METTL15: variants seen among roughly 807,000 people sequenced by gnomAD.
The protein encoded by METTL15 is methyltransferase 15, mitochondrial 12S rRNA N4-cytidine.
METTL15 carries 34 observed loss-of-function variants against 38.3 expected under a neutral mutation model. The observed-to-expected ratio is 0.89, with a 90% CI of 0.68 to 1.18. The LOEUF (loss-of-function observed/expected upper bound fraction) is 1.18. Ranked by LOEUF, METTL15 falls within the 50% of genes most tolerant of loss-of-function variation. The pLI, the probability that METTL15 is intolerant of heterozygous loss-of-function variation, is 0.00. For synonymous variants in METTL15, 162 were observed against 170.9 expected (o/e 0.95, Z 0.41); for missense variants, 438 against 498.4 (o/e 0.88, Z 1.15).
At chr11:28,340,639 C>T (rs1010545171) in intron 3 of METTL15, among the ~76,000 whole-genome samples, 3 of 152,100 alleles carry the variant, frequency 2.0e-5, no homozygotes, top group Admixed American at 2.0e-4. Context: ...CTCACGCCAG[C>T]TAGAATGGTG....
intron 3 of METTL15, among the ~76,000 whole-genome samples, chr11:28,185,618 C>A (rs904373074): frequency 6.6e-6 from 1 of 151,226 alleles, no homozygotes; most frequent in Non-Finnish European, 1.5e-5. Context: ...GTTCTTTAAT[C>A]CACTTAGAAG....
intron 4 of METTL15, 83 bp from the exon 5 acceptor site, chr11:28,290,123 G>A: frequency 4.4e-6 from 5 of 1,125,712 alleles, no homozygotes; most frequent in Non-Finnish European, 6.2e-6. Flanking sequence ...ATAATAGAAT[G>A]TGCTCCCTTC....
intron 1 of METTL15, among the ~76,000 whole-genome samples, chr11:28,109,201 T>C (rs1008673405): frequency 2.0e-5 from 3 of 152,214 alleles, no homozygotes; most frequent in African/African-American, 7.2e-5. Context: ...ATCGGGAGTA[T>C]TGTGTACTGT....
At chr11:28,161,157 G>A (rs1358122233) in intron 3 of METTL15, among the ~76,000 whole-genome samples, 1 of 129,836 alleles carries the variant, frequency 7.7e-6, no homozygotes, top group East Asian at 2.2e-4. Context: ...GTGTCTTGCT[G>A]TCTTGCCCAG....
chr11:28,355,695 T>C (rs1476083443), intron 4 of METTL15, among the ~76,000 whole-genome samples: 3 of 152,184 alleles, frequency 2.0e-5, no homozygotes, highest in Non-Finnish European at 4.4e-5. Flanking sequence ...ATAAGTTATA[T>C]GCAGTATTAC....
chr11:28,527,997 T>C (rs1223347600), downstream of METTL15, among the ~76,000 whole-genome samples: 3 of 152,232 alleles, frequency 2.0e-5, no homozygotes, highest in African/African-American at 7.2e-5. Flanking sequence ...AACTGTGGCA[T>C]GCATGGGAAG....
At chr11:28,311,452 A>G (rs1429728030) in intron 6 of METTL15, among the ~76,000 whole-genome samples, 1 of 152,162 alleles carries the variant, frequency 6.6e-6, no homozygotes, top group Admixed American at 6.5e-5. Context: ...TCATATGCCT[A>G]ACTAGCATTT....
chr11:28,136,916 G>GTCATTAA (rs1849533313), intron 3 of METTL15, among the ~76,000 whole-genome samples: 3 of 150,946 alleles, frequency 2.0e-5, no homozygotes, highest in Admixed American at 6.6e-5. Context: ...AAAAAAAAAA[G>GTCATTAA]GTAAAACCTT....
rs966093904 is a variant in METTL15 at position 28,192,978 on chromosome 11, A to G, written c.271-18084A>G. The stretch of plus-strand genomic sequence containing the variant: ...ATTGCATTATTCTTTTATTATCTGT[A>G]CAATCTTAGTACTTTATCTTTTTCT... On this transcript the variant is annotated intron_variant, in intron 3 of 6. Coordinates refer to ENST00000407364, the MANE Select transcript of METTL15 (RefSeq NM_001113528.2). Among the ~76,000 whole-genome samples the G allele has an allele frequency of 2.6e-5, 4 of 152,174 alleles. No individual in the cohort carries two copies. The East Asian group carries it at 5.8e-4, about 22-fold the overall frequency.
chr11:28,464,252 T>A (rs10835343), intron 6 of METTL15, among the ~76,000 whole-genome samples: 64,633 of 152,000 alleles, frequency 0.43, 15,076 homozygotes, highest in Admixed American at 0.54. Context: ...TAGCTAAAAA[T>A]ATATATATCA....
chr11:28,291,227 A>G (rs1034148802), intron 5 of METTL15, among the ~76,000 whole-genome samples: 1 of 151,858 alleles, frequency 6.6e-6, no homozygotes, highest in Non-Finnish European at 1.5e-5. Context: ...TTTTTGTATT[A>G]GTAGAGACGG....
In METTL15 at chr11:28,116,000, A is replaced by G. The variant is rs1243662201; in HGVS notation, c.270+2396A>G. On this transcript the variant is annotated intron_variant, in intron 3 of 6. Transcript: ENST00000407364. ...GATTTTGGATTTACCAGTGCACCAC[A>G]ATCTCCTAAGCCAATTCCTTAACAT... Among the ~76,000 whole-genome samples the G allele has an allele frequency of 2.6e-5, 4 of 151,870 alleles. No individual in the cohort carries two copies. The East Asian group carries it at 7.7e-4, about 29-fold the overall frequency.
chr11:28,149,757 T>C (rs574646476), intron 3 of METTL15, among the ~76,000 whole-genome samples: 2 of 151,814 alleles, frequency 1.3e-5, no homozygotes, highest in Non-Finnish European at 2.9e-5. Context: ...CTGCTTCCCA[T>C]AGAAATTTAT....
At chr11:28,490,547 C>G (rs1471394327) in intron 6 of METTL15, among the ~76,000 whole-genome samples, 1 of 152,016 alleles carries the variant, frequency 6.6e-6, no homozygotes, top group Non-Finnish European at 1.5e-5. Flanking sequence ...GTCTCCTCCC[C>G]CTGAGATTTT....
chr11:28,280,524 T>C (rs187043371), intron 4 of METTL15, among the ~76,000 whole-genome samples: 1 of 152,228 alleles, frequency 6.6e-6, no homozygotes, highest in East Asian at 1.9e-4. Context: ...TTATTGTGTT[T>C]CTTTAATCTG....
At chr11:28,405,564 C>T (rs994818156) in intron 5 of METTL15, among the ~76,000 whole-genome samples, 1 of 152,086 alleles carries the variant, frequency 6.6e-6, no homozygotes, top group Non-Finnish European at 1.5e-5. Flanking sequence ...ATAATATTCT[C>T]CTTTTGGTGT....
chr11:28,169,699 G>T (rs1180957108), intron 3 of METTL15, among the ~76,000 whole-genome samples: 1 of 151,922 alleles, frequency 6.6e-6, no homozygotes, highest in African/African-American at 2.4e-5. Flanking sequence ...ACCTTATTTA[G>T]ATAACTACGT....
At chr11:28,247,532 T>A (rs901277641) in intron 4 of METTL15, among the ~76,000 whole-genome samples, 4 of 152,156 alleles carry the variant, frequency 2.6e-5, no homozygotes, top group African/African-American at 9.7e-5. Context: ...TACTTTAATG[T>A]CATAAATGTC....
At chr11:28,383,613 A>G (rs1014121558) in intron 5 of METTL15, among the ~76,000 whole-genome samples, 11 of 152,006 alleles carry the variant, frequency 7.2e-5, no homozygotes, top group Non-Finnish European at 1.0e-4. Context: ...TTTCTCCACA[A>G]TCTCACCAGC....
Sources: allele counts gnomAD v4.1 joint callset (sites outside exome capture counted in the v4.1 genomes callset), GRCh38; gene constraint gnomAD v4.1.1; transcripts MANE v1.5; gene names NCBI Gene and HGNC (gene_info 2026-07-23, HGNC 2026-07-21).